Variants in FGFR1 observed in about 807,000 individuals in gnomAD.
FGFR1 encodes FGFR1/PLAG1 fusion.
A neutral mutation model predicts 93.7 loss-of-function variants in FGFR1; 18 were observed. The ratio of observed to expected loss-of-function variants is 0.19; its 90% CI spans 0.13 to 0.28. The LOEUF (loss-of-function observed/expected upper bound fraction) is 0.28, where lower values mean the gene tolerates loss of function less well. Ranked by LOEUF, FGFR1 falls within the 10% of genes least tolerant of loss-of-function variation. The probability of loss-of-function intolerance (pLI) is 1.00; values close to 1 mark genes in which losing one functional copy is unlikely to be tolerated. For missense variants in FGFR1, 731 were observed against 1,080.4 expected (o/e 0.68, Z 4.53); for synonymous variants, 448 against 429.3 (o/e 1.04, Z -0.54).
intron 2 of FGFR1, among the ~76,000 whole-genome samples, chr8:38,433,622 C>A (rs1026013460): frequency 3.3e-5 from 5 of 152,176 alleles, no homozygotes; most frequent in African/African-American, 1.2e-4. Context: ...CGCACCCAGC[C>A]AGACCCTGTC....
Position 38,417,429 on chromosome 8 carries a change from C to T in FGFR1, c.1553-13G>A, listed in dbSNP as rs17182414. On this transcript the variant is annotated splice_polypyrimidine_tract_variant and intron_variant, in intron 11 of 17. Transcript: ENST00000447712. ...TCTGTTGCGTCCGCTTTAAAGAACACGTTGAGACTCATTTACTTGGGAAGG... is the reference window on the plus strand; with the variant it reads ...TCTGTTGCGTCCGCTTTAAAGAACATGTTGAGACTCATTTACTTGGGAAGG... 8.6e-5 allele frequency: 139 copies of T among 1,607,470 alleles called. No individual in the cohort carries two copies. The African/African-American group carries it at 1.3e-3, about 15-fold the overall frequency.
intron 2 of FGFR1, among the ~76,000 whole-genome samples, chr8:38,439,604 C>A (rs1291615884): frequency 6.6e-6 from 1 of 152,170 alleles, no homozygotes; most frequent in Non-Finnish European, 1.5e-5. Flanking sequence ...TGGAGCCTCT[C>A]AACCACGTCC....
At position 38,423,357 on chromosome 8, in the gene FGFR1, T is replaced by G. The variant is rs2150787639; in HGVS notation, c.936+1152A>C. The G allele has an allele frequency of 7.5e-6, 4 of 533,048 alleles. 1 individual carries two copies. The South Asian group carries it at 8.3e-5, about 11-fold the overall frequency. 33.0% of individuals were successfully genotyped at this position (533,048 alleles called of 1,614,324 possible). ...TTTTAACGCAGAGTCTCACTCACTCTGTCACCCAGGCTGGAGTGCAGTGGC... is the reference window on the plus strand; with the variant it reads ...TTTTAACGCAGAGTCTCACTCACTCGGTCACCCAGGCTGGAGTGCAGTGGC... On this transcript the variant is annotated intron_variant, in intron 7 of 17. Transcript: ENST00000447712.
intron 8 of FGFR1, chr8:38,421,500 CTGGAGG>C: frequency 2.1e-6 from 1 of 479,402 alleles, no homozygotes; most frequent in Non-Finnish European, 3.8e-6. Flanking sequence ...GGAGCCTGCC[CTGGAGG>C]AGTCGGGCTG....
At chr8:38,437,499 A>T (rs1825838707) in intron 2 of FGFR1, among the ~76,000 whole-genome samples, 1 of 152,356 alleles carries the variant, frequency 6.6e-6, no homozygotes, top group African/African-American at 2.4e-5. Flanking sequence ...GTCATGAAAC[A>T]TAAAGAAAAG....
In FGFR1 at chr8:38,417,982, T is replaced by C; in HGVS notation, c.1440A>G (p.Leu480=). Residue 480 remains leucine (L), a synonymous_variant, in exon 11 of 18, where the codon TTA becomes TTG. Transcript: ENST00000447712. The part of the protein sequence containing the change: ...RWELPRDRLV[L]GKPLGEGCFG... ...AGCAGCCCTCTCCCAGGGGTTTGCCTAAGACCAGTCTTTCGGGGGAAACAG... is the reference window on the plus strand; with the variant it reads ...AGCAGCCCTCTCCCAGGGGTTTGCCCAAGACCAGTCTTTCGGGGGAAACAG... 6.2e-7 allele frequency: 1 copy of C among 1,614,204 alleles called. No individual in the cohort carries two copies. Among genetic ancestry groups the C allele is most frequent in the Non-Finnish European group, 8.5e-7 (1 of 1,180,032 alleles).
At chr8:38,456,708 C>T (rs1216693455) in intron 2 of FGFR1, among the ~76,000 whole-genome samples, 7 of 152,204 alleles carry the variant, frequency 4.6e-5, no homozygotes, top group Non-Finnish European at 8.8e-5. Flanking sequence ...GTAGCTGGGA[C>T]TAGCAGCGTG....
At chr8:38,418,762 GTCAT>G in intron 9 of FGFR1, 2 of 320,592 alleles carry the variant, frequency 6.2e-6, no homozygotes, top group South Asian at 5.9e-5. Flanking sequence ...TGAGGGAACG[GTCAT>G]TCTTGCACAC....
intron 2 of FGFR1, among the ~76,000 whole-genome samples, chr8:38,452,747 T>C (rs1013863538): frequency 6.6e-6 from 1 of 151,842 alleles, no homozygotes; most frequent in Admixed American, 6.6e-5. Flanking sequence ...GAGGCCGAGG[T>C]GGGCAGATCA....
At chr8:38,432,416 T>TC (rs1296446291) in intron 2 of FGFR1, among the ~76,000 whole-genome samples, 1 of 151,468 alleles carries the variant, frequency 6.6e-6, no homozygotes, top group Non-Finnish European at 1.5e-5. Flanking sequence ...ATAAATTTTT[T>TC]TTTTTTTTTT....
intron 2 of FGFR1, among the ~76,000 whole-genome samples, chr8:38,452,435 GCC>G (rs1484647771): frequency 6.6e-6 from 1 of 152,008 alleles, no homozygotes; most frequent in African/African-American, 2.4e-5. Context: ...GCTCACTGTA[GCC>G]TCAACTCCTG....
At chr8:38,428,324 A>C in intron 4 of FGFR1, 22 bp downstream of exon 4, 1 of 1,610,892 alleles carries the variant, frequency 6.2e-7, no homozygotes, top group African/African-American at 1.3e-5. Context: ...AAAGGGCAGT[A>C]AGATAGGAAA....
At chr8:38,420,364 C>T (rs1387998064) in intron 8 of FGFR1, 10 of 153,492 alleles carry the variant, frequency 6.5e-5, no homozygotes, top group African/African-American at 2.4e-4. Context: ...TAGGGGCACA[C>T]AGGTAAATAT....
Position 38,464,081 on chromosome 8 carries a change from G to A in FGFR1, c.-89+3900C>T, listed in dbSNP as rs147389519. On this transcript the variant is annotated intron_variant, in intron 1 of 17. Coordinates refer to ENST00000447712, the MANE Select transcript of FGFR1 (RefSeq NM_023110.3). The stretch of plus-strand genomic sequence containing the variant: ...TGTAATCCCAGCATTTTGGGAGGCC[G>A]AGGCCAGCGGATTGCTTGAGGTCAG... 4.8e-3 allele frequency among the ~76,000 whole-genome samples: 724 copies of A among 152,148 alleles called. 7 individuals are homozygous for A. The highest frequency in any genetic ancestry group is 0.017 in the African/African-American group (691 of 41,498).
intron 2 of FGFR1, among the ~76,000 whole-genome samples, chr8:38,444,500 C>T (rs968992020): frequency 2.6e-5 from 4 of 151,644 alleles, no homozygotes; most frequent in African/African-American, 9.7e-5. Flanking sequence ...GTGATCCCCC[C>T]ACCTCAGCCC....
chr8:38,429,907 C>T lies in FGFR1; in HGVS notation c.133G>A (p.Val45Ile). 1.2e-6 allele frequency: 2 copies of T among 1,613,500 alleles called. No homozygotes were observed. Among genetic ancestry groups the T allele is most frequent in the Non-Finnish European group, 1.7e-6 (2 of 1,179,832 alleles). Residue 45 changes from valine (V) to isoleucine (I), a missense_variant, in exon 3 of 18, where the codon GTC (valine) becomes ATC (isoleucine). Around this residue, in one of 10 missense-constraint regions of FGFR1, gnomAD observed 212 missense variants for 205.8 expected, o/e 1.03. Coordinates refer to ENST00000447712, the MANE Select transcript of FGFR1 (RefSeq NM_023110.3). The surrounding 1 kb of genome is among the most constrained non-coding windows in gnomAD (Gnocchi z 4.4). ...GAPVEVESFL[V>I]HPGDLLQLRC... is the part of the protein sequence containing the mutation. Reference sequence around the variant, plus strand: ...AGCTGCAGCAGGTCACCGGGGTGGACCAGGAAGGACTCCACTTCCACAGGG... The same window carrying T: ...AGCTGCAGCAGGTCACCGGGGTGGATCAGGAAGGACTCCACTTCCACAGGG...
chr8:38,434,240 T>A (rs927597235), intron 2 of FGFR1: 4 of 161,260 alleles, frequency 2.5e-5, no homozygotes, highest in Non-Finnish European at 5.4e-5. Context: ...GGTCTTGAAC[T>A]CCTGGACTCA....
At position 38,457,405 on chromosome 8, in the gene FGFR1, G is replaced by C. The variant is rs1016034870; in HGVS notation, c.42C>G (p.Val14=). The change falls in exon 2 of 18, where the codon GTC becomes GTG. Residue 14 remains valine (V), a synonymous_variant. Coordinates refer to ENST00000447712, the MANE Select transcript of FGFR1 (RefSeq NM_023110.3). ...WKCLLFWAVL[V]TATLCTARPS... ...GCCTAGCGGTGCAGAGTGTGGCTGT[G>C]ACCAGCACAGCCCAGAAGAGGAGGC... The C allele has an allele frequency of 6.2e-7, 1 of 1,613,930 alleles. No individual in the cohort carries two copies. Among genetic ancestry groups the C allele is most frequent in the South Asian group, 1.1e-5 (1 of 91,074 alleles).
chr8:38,416,206 C>T, intron 12 of FGFR1, 146 bp from the exon 13 acceptor site: 1 of 701,522 alleles, frequency 1.4e-6, no homozygotes, highest in Non-Finnish European at 2.5e-6. Flanking sequence ...ATCCATTCTA[C>T]TACCCAAAAA....
Sources: gnomAD v4.1 joint callset for allele counts (sites outside exome capture counted in the v4.1 genomes callset) on GRCh38, gnomAD v4.1.1 for gene constraint, gnomAD v4.1.1 regional missense constraint, Gnocchi (gnomAD v3.1) non-coding constraint, MANE v1.5 for transcripts, NCBI Gene and HGNC (gene_info 2026-07-23, HGNC 2026-07-21) for gene names.